The following GLI2 variants were observed in gnomAD, a reference collection of about 807,000 sequenced individuals.
GLI2 encodes transcription activator GLI2.
GLI2 carries 22 observed loss-of-function variants against 78.9 expected under a neutral mutation model. That is an observed-to-expected ratio of 0.28 (90% CI 0.20 to 0.40). GLI2 has a LOEUF of 0.40. GLI2 is among the 10% of genes least tolerant of loss of function. The pLI is 1.00. For synonymous variants in GLI2, 974 were observed against 963.7 expected (o/e 1.01, Z -0.20); for missense variants, 2,097 against 2,213.2 (o/e 0.95, Z 1.05).
intron 2 of GLI2, among the ~76,000 whole-genome samples, chr2:120,862,350 G>A (rs879740392): frequency 1.3e-5 from 2 of 152,292 alleles, no homozygotes; most frequent in South Asian, 2.1e-4. Flanking sequence ...CCTCCGCCAG[G>A]CTCCTGCTGT....
chr2:120,942,859 CTCTTTCATTCATTCATTCATTCATTCAT>C (rs1680520574), intron 3 of GLI2, among the ~76,000 whole-genome samples: 1 of 149,590 alleles, frequency 6.7e-6, no homozygotes, highest in Admixed American at 6.6e-5. Context: ...CGTTCACGCC[CTCTTTCATTCATTCATTCATTCATTCAT>C]TCACTCATTC....
chr2:120,784,197 T>C (rs1218066119), intron 1 of GLI2, among the ~76,000 whole-genome samples: 1 of 152,208 alleles, frequency 6.6e-6, no homozygotes, highest in Admixed American at 6.5e-5. Flanking sequence ...GTCAAATATC[T>C]GAGCCATCCA....
At chr2:120,752,096 G>A (rs1476978434) in intron 1 of GLI2, among the ~76,000 whole-genome samples, 1 of 152,014 alleles carries the variant, frequency 6.6e-6, no homozygotes, top group Non-Finnish European at 1.5e-5. Context: ...ATAGACCAGT[G>A]TTTTATTATT....
At chr2:120,928,196 G>C (rs1044135371) in intron 3 of GLI2, among the ~76,000 whole-genome samples, 1 of 151,780 alleles carries the variant, frequency 6.6e-6, no homozygotes, top group African/African-American at 2.4e-5. Context: ...CTCTTACAAA[G>C]GTCAGCCAGC....
At position 120,800,359 on chromosome 2, in the gene GLI2, G is replaced by A. The variant is rs1009184818; in HGVS notation, c.148+2891G>A. Among the ~76,000 whole-genome samples the A allele has an allele frequency of 4.6e-5, 7 of 152,034 alleles. No individual in the cohort carries two copies. The highest frequency in any genetic ancestry group is 1.2e-4 in the African/African-American group (5 of 41,372). On this transcript the variant is annotated intron_variant, in intron 2 of 13. Transcript: ENST00000361492. This position sits in a 1 kb window ranked among gnomAD's most constrained non-coding sequence, Gnocchi z 4.1. Reference sequence around the variant, plus strand: ...ACTGAGTCGACTCCCCTGTTGCTGCGCAGGTGACCACTTAGAAGCCTGGCT... The same window carrying A: ...ACTGAGTCGACTCCCCTGTTGCTGCACAGGTGACCACTTAGAAGCCTGGCT...
At chr2:120,768,621 G>A (rs1683436675) in intron 1 of GLI2, among the ~76,000 whole-genome samples, 1 of 152,196 alleles carries the variant, frequency 6.6e-6, no homozygotes, top group Non-Finnish European at 1.5e-5. Flanking sequence ...TGGAAGGGAG[G>A]TCCTGTTGGT....
chr2:120,949,157 C>T (rs1383340873), intron 3 of GLI2, among the ~76,000 whole-genome samples: 1 of 152,176 alleles, frequency 6.6e-6, no homozygotes. Flanking sequence ...GTGCATTAGT[C>T]TGGTCCCACT....
rs772372254 is a variant in GLI2, at chr2:120,989,544, A to G, written c.3579A>G (p.Gly1193=). The G allele has an allele frequency of 1.9e-6, 3 of 1,612,604 alleles. No homozygotes were observed. The highest frequency in any genetic ancestry group is 3.3e-5 in the Admixed American group (2 of 59,950). Residue 1193 remains glycine, a synonymous_variant, in exon 14 of 14, where the codon GGA becomes GGG. Transcript: ENST00000361492. ...AGCCACACCTGCAGCCCCGCAGCGGAGCCCCCTCCCAGGGCATCCCCAGGG... is the reference window on the plus strand; with the variant it reads ...AGCCACACCTGCAGCCCCGCAGCGGGGCCCCCTCCCAGGGCATCCCCAGGG... ...STQPHLQPRS[G]APSQGIPRVN...
chr2:120,804,446 TG>T (rs1004395800), intron 2 of GLI2, among the ~76,000 whole-genome samples: 1 of 152,228 alleles, frequency 6.6e-6, no homozygotes, highest in Non-Finnish European at 1.5e-5. Flanking sequence ...CAGCTGTCTC[TG>T]GGTATAAGGG....
At chr2:120,736,989 C>T (rs1682383093) in intron 1 of GLI2, among the ~76,000 whole-genome samples, 1 of 152,062 alleles carries the variant, frequency 6.6e-6, no homozygotes, top group Admixed American at 6.6e-5. Context: ...TTCCCCCTTC[C>T]ACCTCACTTT....
intron 2 of GLI2, among the ~76,000 whole-genome samples, chr2:120,915,629 C>T (rs1056915011): frequency 7.2e-5 from 11 of 152,144 alleles, no homozygotes; most frequent in Non-Finnish European, 1.3e-4. Flanking sequence ...CCAGTGACTT[C>T]GTCCTCATTT....
chr2:120,826,075 G>A (rs1273257083), intron 2 of GLI2, among the ~76,000 whole-genome samples: 1 of 152,236 alleles, frequency 6.6e-6, no homozygotes, highest in Non-Finnish European at 1.5e-5. Flanking sequence ...AGAGCGTTGG[G>A]CCGTGGCCAG....
intron 2 of GLI2, among the ~76,000 whole-genome samples, chr2:120,922,750 C>T (rs1200831337): frequency 6.6e-6 from 1 of 152,162 alleles, no homozygotes; most frequent in African/African-American, 2.4e-5. Flanking sequence ...ACACGTGTTC[C>T]CAGGCTCCTC....
chr2:120,770,128 G>C (rs950181068), intron 1 of GLI2, among the ~76,000 whole-genome samples: 1 of 152,124 alleles, frequency 6.6e-6, no homozygotes, highest in African/African-American at 2.4e-5. Context: ...AATATAGCTT[G>C]GCGGCTCCTA....
At chr2:120,802,538 T>C (rs146678210) in intron 2 of GLI2, among the ~76,000 whole-genome samples, 1 of 152,348 alleles carries the variant, frequency 6.6e-6, no homozygotes, top group East Asian at 1.9e-4. Flanking sequence ...ATTCAGATGT[T>C]TCTCATTGCT....
chr2:120,777,227 CTG>C (rs139764056), intron 1 of GLI2, among the ~76,000 whole-genome samples: 4 of 151,982 alleles, frequency 2.6e-5, no homozygotes, highest in East Asian at 1.9e-4. Flanking sequence ...CAGAGTATGA[CTG>C]TGTGTGTGTG....
At position 120,984,763 on chromosome 2, in the gene GLI2, CCAG is replaced by C. The variant is rs1682891173; in HGVS notation, c.1905+22_1905+24del. 1 of 1,610,512 alleles carries C rather than the reference CCAG, an allele frequency of 6.2e-7. No homozygotes were observed. Among genetic ancestry groups the C allele is most frequent in the South Asian group, 1.1e-5 (1 of 91,022 alleles). ...TCCGGGGTAAGCGGAGCTGGGCAGCCCAGCCACGCAAGGCGACTCCATAGCCGT... is the reference window on the plus strand; with the variant it reads ...TCCGGGGTAAGCGGAGCTGGGCAGCCCCACGCAAGGCGACTCCATAGCCGT... On this transcript the variant is annotated intron_variant, in intron 12 of 13. Coordinates refer to ENST00000361492, the MANE Select transcript of GLI2 (RefSeq NM_001374353.1).
intron 11 of GLI2, among the ~76,000 whole-genome samples, chr2:120,983,430 C>T (rs1001534708): frequency 6.6e-5 from 10 of 152,330 alleles, no homozygotes; most frequent in Non-Finnish European, 1.2e-4. Flanking sequence ...CTTTCCACCA[C>T]AAGCAGGTGT....
At chr2:120,765,121 C>T (rs891938522) in intron 1 of GLI2, among the ~76,000 whole-genome samples, 2 of 152,192 alleles carry the variant, frequency 1.3e-5, no homozygotes, top group African/African-American at 2.4e-5. Flanking sequence ...CTGAACCTCC[C>T]CCTGCCCCTG....
Sources: gnomAD v4.1 joint callset for allele counts (sites outside exome capture counted in the v4.1 genomes callset) on GRCh38, gnomAD v4.1.1 for gene constraint, Gnocchi (gnomAD v3.1) non-coding constraint, MANE v1.5 for transcripts, NCBI Gene and HGNC (gene_info 2026-07-23, HGNC 2026-07-21) for gene names.